Variants in RAB37 observed in about 807,000 individuals in gnomAD.
The protein encoded by RAB37 is RAB37, member RAS oncogene family.
In RAB37, 29 loss-of-function variants were observed where a neutral mutation model predicts 33.1. That is an observed-to-expected ratio of 0.88 (90% CI 0.65 to 1.20). The LOEUF (loss-of-function observed/expected upper bound fraction) is 1.20, where lower values mean the gene tolerates loss of function less well. RAB37 is among the 50% of genes most tolerant of loss of function. RAB37 has a pLI of 0.00. For missense variants in RAB37, 299 were observed against 301.1 expected, an observed-to-expected ratio of 0.99 and a Z score of 0.05; for synonymous variants, 128 against 119.5, an observed-to-expected ratio of 1.07 and a Z score of -0.47.
At chr17:74,691,951 C>T (rs1331132919) in intron 1 of RAB37, among the ~76,000 whole-genome samples, 3 of 151,702 alleles carry the variant, frequency 2.0e-5, no homozygotes, top group Admixed American at 6.6e-5. Flanking sequence ...CTGCAAGCTC[C>T]GCCTTCTGGG....
At chr17:74,689,813 T>G (rs941922165) in intron 1 of RAB37, among the ~76,000 whole-genome samples, 2 of 150,602 alleles carry the variant, frequency 1.3e-5, no homozygotes, top group African/African-American at 4.9e-5. Flanking sequence ...TGCAAATTTA[T>G]CTTACTCATG....
At chr17:74,713,335 G>A (rs1288522556) in intron 1 of RAB37, among the ~76,000 whole-genome samples, 2 of 151,346 alleles carry the variant, frequency 1.3e-5, no homozygotes, top group African/African-American at 4.9e-5. Flanking sequence ...AAAAAAAAGA[G>A]GAAGGAGGTG....
At chr17:74,684,780 G>T (rs1417020889) in intron 1 of RAB37, among the ~76,000 whole-genome samples, 1 of 151,722 alleles carries the variant, frequency 6.6e-6, no homozygotes, top group Non-Finnish European at 1.5e-5. Context: ...ACAGAGCAAG[G>T]TTCTGCCTTA....
chr17:74,729,318 C>A lies in RAB37; in HGVS notation c.135C>A (p.Gly45=). 1.2e-6 allele frequency: 2 copies of A among 1,614,030 alleles called. No individual in the cohort carries two copies. Among genetic ancestry groups the A allele is most frequent in the African/African-American group, 1.3e-5 (1 of 74,994 alleles). Residue 45 remains glycine, a synonymous_variant, in exon 2 of 8, where the codon GGC becomes GGA. Transcript: ENST00000340415. This position sits in a 1 kb window ranked among gnomAD's most constrained non-coding sequence, Gnocchi z 4.2. ...CTCTGCTGGTTCAGTTCGATCAGGGCAAGTTCATCCCCGGCTCCTTCTCGG... is the reference window on the plus strand; with the variant it reads ...CTCTGCTGGTTCAGTTCGATCAGGGAAAGTTCATCCCCGGCTCCTTCTCGG...
chr17:74,720,709 C>T (rs1311799998), intron 1 of RAB37, among the ~76,000 whole-genome samples: 2 of 152,144 alleles, frequency 1.3e-5, no homozygotes, highest in Non-Finnish European at 2.9e-5. Context: ...TACACCCTGC[C>T]CTCTTGGTAC....
In RAB37 at chr17:74,676,278, C is replaced by T. The variant is rs2031830392; in HGVS notation, c.72+4620C>T. ...AGGGCTCTAAGGAACATCCACATAC[C>T]AGACTAGCTTCCAGAGGGACGAACA... On this transcript the variant is annotated intron_variant, in intron 1 of 7. Coordinates refer to the RAB37 transcript ENST00000340415. This position sits in a 1 kb window ranked among gnomAD's most constrained non-coding sequence, Gnocchi z 4.1. Among the ~76,000 whole-genome samples the T allele has an allele frequency of 6.6e-6, 1 of 152,124 alleles. No individual in the cohort carries two copies. Among genetic ancestry groups the T allele is most frequent in the Non-Finnish European group, 1.5e-5 (1 of 68,028 alleles).
chr17:74,694,880 T>C lies in RAB37; in HGVS notation c.72+23222T>C, dbSNP rs144801039. On this transcript the variant is annotated intron_variant, in intron 1 of 7. Transcript: ENST00000340415. The stretch of plus-strand genomic sequence containing the variant: ...GCATATCCCTAGCCCCCTCCTCAAC[T>C]ATGTAGGAGAGGAGGGGACGTTTAG... The C allele has an allele frequency of 2.7e-4, 127 of 472,086 alleles. 1 individual carries two copies. In the East Asian group the frequency reaches 4.2e-3, roughly 16 times the overall value. 29.2% of individuals were successfully genotyped at this position (472,086 alleles called of 1,614,324 possible). A position where few individuals can be genotyped will look rare whatever the true frequency, so the allele number is the denominator to read the frequency against.
intron 1 of RAB37, among the ~76,000 whole-genome samples, chr17:74,728,166 C>T (rs1567809570): frequency 6.7e-6 from 1 of 149,556 alleles, no homozygotes; most frequent in Non-Finnish European, 1.5e-5. Context: ...GCACATGTGT[C>T]TATGTCTGTG....
intron 1 of RAB37, among the ~76,000 whole-genome samples, chr17:74,702,503 T>C (rs760411685): frequency 2.0e-5 from 3 of 152,160 alleles, no homozygotes; most frequent in Non-Finnish European, 2.9e-5. Context: ...TCAGTTGCTC[T>C]AGAGATGTGA....
At chr17:74,710,518 A>T (rs2033869474) in intron 1 of RAB37, among the ~76,000 whole-genome samples, 1 of 152,148 alleles carries the variant, frequency 6.6e-6, no homozygotes. Context: ...AAGTGTATTA[A>T]ATTCCTAGGA....
intron 1 of RAB37, among the ~76,000 whole-genome samples, chr17:74,698,038 T>C (rs1358827872): frequency 6.6e-6 from 1 of 152,116 alleles, no homozygotes; most frequent in Non-Finnish European, 1.5e-5. Flanking sequence ...TAGCGTCTAG[T>C]CTAGACACCC....
chr17:74,691,195 C>T (rs1255403212), intron 1 of RAB37, among the ~76,000 whole-genome samples: 1 of 152,172 alleles, frequency 6.6e-6, no homozygotes, highest in African/African-American at 2.4e-5. Flanking sequence ...TATTGTAGGT[C>T]TCCCTGTGTT....
chr17:74,710,371 A>C (rs2033856216), intron 1 of RAB37, among the ~76,000 whole-genome samples: 1 of 152,242 alleles, frequency 6.6e-6, no homozygotes, highest in African/African-American at 2.4e-5. Context: ...ATTTTAAATG[A>C]AAAAGTATTT....
Position 74,742,168 on chromosome 17 carries a change from C to T in RAB37, c.205-86C>T. The stretch of plus-strand genomic sequence containing the variant: ...GGGGCTCACTGCACCCACTCTAGGC[C>T]TGGAGAGGGAACAAGACAGGACGTC... On this transcript the variant is annotated intron_variant, in intron 2 of 8. Coordinates refer to ENST00000392613, the MANE Select transcript of RAB37 (RefSeq NM_001006638.3). This position sits in a 1 kb window ranked among gnomAD's most constrained non-coding sequence, Gnocchi z 4.0. 6.5e-7 allele frequency: 1 copy of T among 1,543,054 alleles called. No individual in the cohort carries two copies. Among genetic ancestry groups the T allele is most frequent in the Non-Finnish European group, 8.8e-7 (1 of 1,135,682 alleles).
rs569508189 is a variant in RAB37 at position 74,671,615 on chromosome 17, A to G, written c.29A>G (p.Gln10Arg). 8 of 1,614,236 alleles carry G rather than the reference A, an allele frequency of 5.0e-6. No homozygotes were observed. In the Admixed American group the frequency reaches 6.7e-5, roughly 13 times the overall value. ...GACCTGCAGAGACCCGATTCCTACCAGGGAGGAGCTGGCCCTGACTTCAAC... is the reference window on the plus strand; with the variant it reads ...GACCTGCAGAGACCCGATTCCTACCGGGGAGGAGCTGGCCCTGACTTCAAC... Residue 10 changes from glutamine (Q) to arginine (R), a missense_variant, in exon 1 of 8, where the codon CAG becomes CGG. Physicochemically the swap from Gln to Arg is conservative, Grantham distance 43. Coordinates refer to the RAB37 transcript ENST00000340415. The surrounding 1 kb of genome is among the most constrained non-coding windows in gnomAD (Gnocchi z 5.0).
chr17:74,696,344 T>C, intron 1 of RAB37: 1 of 956,222 alleles, frequency 1.0e-6, no homozygotes, highest in Non-Finnish European at 1.5e-6. Context: ...GACAGGGACC[T>C]GGTTCTAATT....
chr17:74,736,471 T>C, upstream of RAB37: 2 of 1,349,830 alleles, frequency 1.5e-6, no homozygotes, highest in South Asian at 1.6e-5. Flanking sequence ...CTGCTCAAAA[T>C]GATCTACGAC....
At chr17:74,687,090 C>G (rs146065664) in intron 1 of RAB37, among the ~76,000 whole-genome samples, 1 of 152,198 alleles carries the variant, frequency 6.6e-6, no homozygotes, top group South Asian at 2.1e-4. Context: ...TATTTCTGAC[C>G]TTGGGGGACA....
At chr17:74,696,254 A>T in intron 1 of RAB37, 1 of 1,591,520 alleles carries the variant, frequency 6.3e-7, no homozygotes, top group Non-Finnish European at 8.6e-7. Flanking sequence ...TAGAAAGCCC[A>T]TTCCCCAGAC....
Sources: gnomAD v4.1 joint callset for allele counts (sites outside exome capture counted in the v4.1 genomes callset) on GRCh38, gnomAD v4.1.1 for gene constraint, Gnocchi (gnomAD v3.1) non-coding constraint, MANE v1.5 for transcripts, NCBI Gene and HGNC (gene_info 2026-07-23, HGNC 2026-07-21) for gene names.